CCDC171: variants seen among roughly 807,000 people sequenced by gnomAD.
CCDC171 encodes the protein coiled-coil domain-containing protein 171.
A neutral mutation model predicts 168.2 loss-of-function variants in CCDC171; 177 were observed. That is an observed-to-expected ratio of 1.05 (90% CI 0.93 to 1.19). The LOEUF (loss-of-function observed/expected upper bound fraction) is 1.19, where lower values mean the gene tolerates loss of function less well. CCDC171 is among the 50% of genes most tolerant of loss of function. CCDC171 has a pLI of 0.00. For missense variants in CCDC171, 1,991 were observed against 1,539.0 expected (o/e 1.29, Z -4.91); for synonymous variants, 687 against 540.8 (o/e 1.27, Z -3.75).
At chr9:16,108,675 A>G in the CCDC171 span, among the ~76,000 whole-genome samples, 1 of 152,222 alleles carries the variant, frequency 6.6e-6, no homozygotes, top group Non-Finnish European at 1.5e-5. Flanking sequence ...TCCACAAAGC[A>G]TGTAAGAGAT....
intron 18 of CCDC171, among the ~76,000 whole-genome samples, chr9:15,767,688 T>G (rs1454032344): frequency 6.6e-6 from 1 of 151,904 alleles, no homozygotes; most frequent in Non-Finnish European, 1.5e-5. Flanking sequence ...TATTTGACAT[T>G]GCTGATCACT....
rs78310900 is a variant in CCDC171 at position 16,010,749 on chromosome 9, T to TAAA, written n.369-9831_369-9829dup. Among the ~76,000 whole-genome samples the TAAA allele has an allele frequency of 9.4e-3, 1,385 of 148,078 alleles. 11 individuals carry two copies. Among genetic ancestry groups the TAAA allele is most frequent in the African/African-American group, 0.025 (1,019 of 40,422 alleles). On this transcript the variant is annotated intron_variant and non_coding_transcript_variant, in intron 3 of 9. Coordinates refer to the CCDC171 transcript ENST00000486641. ...TGGTATTCCAAGGTCAACAGTTTAT[T>TAAA]AAAAAAAAAAACCCAAACCTCTGGA...
At chr9:15,809,466 A>G (rs1048007662) in intron 21 of CCDC171, among the ~76,000 whole-genome samples, 1 of 151,980 alleles carries the variant, frequency 6.6e-6, no homozygotes, top group Non-Finnish European at 1.5e-5. Flanking sequence ...GTTCTTAAAG[A>G]TGGTGTGTCT....
chr9:15,649,620 T>C (rs1221429662), intron 7 of CCDC171, among the ~76,000 whole-genome samples: 1 of 152,138 alleles, frequency 6.6e-6, no homozygotes, highest in Non-Finnish European at 1.5e-5. Flanking sequence ...AAAGAAGACA[T>C]TTATGCAGCC....
intron 24 of CCDC171, among the ~76,000 whole-genome samples, chr9:15,906,586 G>T: frequency 6.6e-6 from 1 of 152,102 alleles, no homozygotes; most frequent in East Asian, 1.9e-4. Flanking sequence ...GGCAAAAACT[G>T]GAAGCATTCC....
At chr9:15,556,803 G>A (rs2038839126) in intron 1 of CCDC171, among the ~76,000 whole-genome samples, 2 of 152,020 alleles carry the variant, frequency 1.3e-5, no homozygotes, top group Non-Finnish European at 1.5e-5. Flanking sequence ...TTTTAGTCAT[G>A]AAGTCCTTGC....
intron 21 of CCDC171, among the ~76,000 whole-genome samples, chr9:15,828,442 T>G (rs1305470085): frequency 6.6e-6 from 1 of 152,230 alleles, no homozygotes; most frequent in Non-Finnish European, 1.5e-5. Flanking sequence ...GAATCTATTT[T>G]GAAAACTTGT....
At chr9:15,900,852 G>A (rs948480787) in intron 24 of CCDC171, among the ~76,000 whole-genome samples, 2 of 152,010 alleles carry the variant, frequency 1.3e-5, no homozygotes, top group African/African-American at 4.8e-5. Flanking sequence ...TTGTTTCTGG[G>A]GACAAACCCA....
rs146500361 is a variant in CCDC171, at chr9:15,635,569, C to A, written c.822+12156C>A. Among the ~76,000 whole-genome samples, 1,464 of 152,190 alleles carry A rather than the reference C, an allele frequency of 9.6e-3. 27 individuals are homozygous for A. The highest frequency in any genetic ancestry group is 0.034 in the African/African-American group (1,399 of 41,504). ...TGGCAGCTGATTAGATGGTGCCCAC[C>A]CAGACTGAGGGTAGGCTGCCTCTCC... On this transcript the variant is annotated intron_variant, in intron 7 of 25. Transcript: ENST00000380701.
intron 23 of CCDC171, among the ~76,000 whole-genome samples, chr9:15,866,309 G>T (rs1193829273): frequency 1.3e-5 from 2 of 151,970 alleles, no homozygotes; most frequent in Admixed American, 1.3e-4. Flanking sequence ...GGTTTTAAGA[G>T]CCACAAGTCT....
chr9:15,800,577 T>C (rs2058774559), intron 21 of CCDC171, among the ~76,000 whole-genome samples: 1 of 152,102 alleles, frequency 6.6e-6, no homozygotes, highest in Admixed American at 6.6e-5. Flanking sequence ...CTTCACTTTG[T>C]TGATTGTTTC....
At chr9:15,934,401 A>AAG (rs1826872231) in intron 25 of CCDC171, among the ~76,000 whole-genome samples, 1 of 151,284 alleles carries the variant, frequency 6.6e-6, no homozygotes, top group South Asian at 2.1e-4. Flanking sequence ...AAAAAAAAAA[A>AAG]AAAAGAAAAG....
intron 4 of CCDC171, among the ~76,000 whole-genome samples, chr9:15,590,881 T>C (rs2041962857): frequency 6.6e-6 from 1 of 151,384 alleles, no homozygotes; most frequent in Non-Finnish European, 1.5e-5. Context: ...TCTCTTTCTT[T>C]TTCTTTCTTT....
chr9:15,869,261 ATTAGATAG>A (rs986034751), intron 23 of CCDC171, among the ~76,000 whole-genome samples: 23 of 151,986 alleles, frequency 1.5e-4, no homozygotes, highest in Non-Finnish European at 2.9e-4. Context: ...CATTTGATTA[ATTAGATAG>A]TTAAAGAAAA....
chr9:15,662,585 C>A (rs1456239971), intron 8 of CCDC171, among the ~76,000 whole-genome samples: 1 of 152,060 alleles, frequency 6.6e-6, no homozygotes, highest in African/African-American at 2.4e-5. Context: ...CCTATCAGCT[C>A]CTCAAGATCT....
chr9:15,666,451 GAC>G lies in CCDC171; in HGVS notation c.1076+129_1076+130del, dbSNP rs1392579889. Reference sequence around the variant, plus strand: ...ATGTCAGTGGTAGACTGGGGCAAGTGACTTCATAAAACATAACTATACTTTCC... The same window carrying G: ...ATGTCAGTGGTAGACTGGGGCAAGTGTTCATAAAACATAACTATACTTTCC... On this transcript the variant is annotated intron_variant, in intron 9 of 25. Transcript: ENST00000380701. 4 of 609,070 alleles carry G rather than the reference GAC, an allele frequency of 6.6e-6. No individual in the cohort carries two copies. In the East Asian group the frequency reaches 1.1e-4, roughly 17 times the overall value. The allele number at this position is 609,070 out of a possible 1,614,324, so 37.7% of individuals were successfully genotyped here.
chr9:15,699,143 G>A (rs984777791), intron 11 of CCDC171, among the ~76,000 whole-genome samples: 1 of 152,100 alleles, frequency 6.6e-6, no homozygotes, highest in Non-Finnish European at 1.5e-5. Context: ...GTGTTCAGAT[G>A]TGTTCGGAGT....
At chr9:15,576,686 TGTTAAGA>T (rs2040693434) in intron 3 of CCDC171, among the ~76,000 whole-genome samples, 1 of 152,226 alleles carries the variant, frequency 6.6e-6, no homozygotes, top group African/African-American at 2.4e-5. Context: ...CAAGCAAAAC[TGTTAAGA>T]GTTAACTTAG....
chr9:15,603,561 A>G (rs1275738486), intron 6 of CCDC171, among the ~76,000 whole-genome samples: 1 of 152,280 alleles, frequency 6.6e-6, no homozygotes, highest in East Asian at 1.9e-4. Context: ...AGCTCTATCC[A>G]TGTCCCTGCA....
Sources: gnomAD v4.1 joint callset for allele counts (sites outside exome capture counted in the v4.1 genomes callset) on GRCh38, gnomAD v4.1.1 for gene constraint, MANE v1.5 for transcripts, NCBI Gene and HGNC (gene_info 2026-07-23, HGNC 2026-07-21) for gene names.